Variants in LHFPL3 observed in about 807,000 individuals in gnomAD.
LHFPL3 encodes the protein LHFPL tetraspan subfamily member 3 protein.
LHFPL3 carries 5 observed loss-of-function variants against 19.3 expected under a neutral mutation model. The ratio of observed to expected loss-of-function variants is 0.26; its 90% CI spans 0.14 to 0.54. The LOEUF is 0.54. Among genes scored for constraint, LHFPL3 ranks in the 20% least tolerant of loss-of-function variants. LHFPL3 has a pLI of 0.94. For synonymous variants in LHFPL3, 133 were observed against 126.2 expected, an observed-to-expected ratio of 1.05 and a Z score of -0.36; for missense variants, 249 against 307.4, an observed-to-expected ratio of 0.81 and a Z score of 1.42.
chr7:104,463,001 T>C (rs1293249410), intron 1 of LHFPL3, among the ~76,000 whole-genome samples: 2 of 152,174 alleles, frequency 1.3e-5, no homozygotes, highest in African/African-American at 2.4e-5. Context: ...ATTCATCTCT[T>C]GTAGTTTTTC....
intron 1 of LHFPL3, among the ~76,000 whole-genome samples, chr7:104,592,931 C>G (rs1018970527): frequency 4.6e-5 from 7 of 152,164 alleles, no homozygotes; most frequent in Admixed American, 2.6e-4. Flanking sequence ...TCCCGGTGTG[C>G]CATTTGCTAA....
chr7:104,398,434 A>C (rs1791237962), intron 1 of LHFPL3, among the ~76,000 whole-genome samples: 1 of 152,086 alleles, frequency 6.6e-6, no homozygotes, highest in African/African-American at 2.4e-5. Context: ...CATTTTCTTC[A>C]TGTTGTTTGT....
At chr7:104,407,015 A>G (rs73403884) in intron 1 of LHFPL3, among the ~76,000 whole-genome samples, 5,670 of 152,276 alleles carry the variant, frequency 0.037, 300 homozygotes, top group East Asian at 0.16. Context: ...TTGGGGCACC[A>G]CAGGGGACCT....
intron 1 of LHFPL3, among the ~76,000 whole-genome samples, chr7:104,403,725 T>TTCTC (rs71786184): frequency 0.013 from 1,874 of 143,682 alleles, 29 homozygotes; most frequent in African/African-American, 0.027. Context: ...TTAGTGAACA[T>TTCTC]TCTCTCTCTC....
chr7:104,494,823 T>C (rs1197194586), intron 1 of LHFPL3, among the ~76,000 whole-genome samples: 8 of 152,048 alleles, frequency 5.3e-5, no homozygotes. Context: ...GCCAGAGTGG[T>C]GTTGCAGCAG....
At chr7:104,587,682 G>C (rs951063576) in intron 1 of LHFPL3, among the ~76,000 whole-genome samples, 1 of 151,994 alleles carries the variant, frequency 6.6e-6, no homozygotes, top group Non-Finnish European at 1.5e-5. Flanking sequence ...CTAGATCCCT[G>C]AGGAATCGCC....
chr7:104,366,318 T>G (rs915694639), intron 1 of LHFPL3, among the ~76,000 whole-genome samples: 7 of 152,022 alleles, frequency 4.6e-5, no homozygotes, highest in Admixed American at 3.9e-4. Context: ...GGGAACAGAG[T>G]GCTGGATTGT....
At chr7:104,652,395 TTTTTA>T (rs1278541947) in intron 1 of LHFPL3, among the ~76,000 whole-genome samples, 2 of 152,114 alleles carry the variant, frequency 1.3e-5, no homozygotes, top group Admixed American at 6.5e-5. Flanking sequence ...GGGAATTTCT[TTTTTA>T]TTTTATTTTG....
At chr7:104,785,668 T>C (rs1032894122) in intron 2 of LHFPL3, 1 of 152,258 alleles carries the variant, frequency 6.6e-6, no homozygotes, top group African/African-American at 2.4e-5. Context: ...AGAAATGTCT[T>C]GAGGCTCTGG....
chr7:104,583,513 G>A (rs1462885956), intron 1 of LHFPL3, among the ~76,000 whole-genome samples: 2 of 152,156 alleles, frequency 1.3e-5, no homozygotes, highest in African/African-American at 4.8e-5. Context: ...TACCATCAGA[G>A]TAAACAGGCA....
At chr7:104,503,684 C>G (rs986809176) in intron 1 of LHFPL3, among the ~76,000 whole-genome samples, 1 of 152,140 alleles carries the variant, frequency 6.6e-6, no homozygotes, top group Admixed American at 6.5e-5. Context: ...ATCCTCCCAC[C>G]TCAGCCTCCT....
At chr7:104,497,601 C>G (rs1793509521) in intron 1 of LHFPL3, among the ~76,000 whole-genome samples, 1 of 150,716 alleles carries the variant, frequency 6.6e-6, no homozygotes, top group South Asian at 2.1e-4. Context: ...GGTTACCATC[C>G]TACAGAATCC....
At chr7:104,356,856 TG>T (rs1790286784) in intron 1 of LHFPL3, among the ~76,000 whole-genome samples, 1 of 152,228 alleles carries the variant, frequency 6.6e-6, no homozygotes, top group Non-Finnish European at 1.5e-5. Flanking sequence ...GGACTGGTAC[TG>T]GTCATGGCTT....
At chr7:104,355,735 AAAGT>A (rs1262576606) in intron 1 of LHFPL3, among the ~76,000 whole-genome samples, 2 of 152,192 alleles carry the variant, frequency 1.3e-5, no homozygotes, top group Non-Finnish European at 2.9e-5. Flanking sequence ...CTCATTCTCA[AAAGT>A]AAGTGTCGCA....
At chr7:104,700,521 A>G (rs1036736901) in intron 1 of LHFPL3, among the ~76,000 whole-genome samples, 12 of 152,214 alleles carry the variant, frequency 7.9e-5, no homozygotes, top group Admixed American at 3.3e-4. Context: ...TGCAAGCACA[A>G]TCAAGTCATC....
intron 1 of LHFPL3, among the ~76,000 whole-genome samples, chr7:104,683,666 T>C (rs970988401): frequency 1.3e-5 from 2 of 152,198 alleles, no homozygotes; most frequent in Non-Finnish European, 2.9e-5. Context: ...TTCTACTAAC[T>C]GATAGGCAGT....
At position 104,739,030 on chromosome 7, in the gene LHFPL3, C is replaced by A. The variant is rs545401641; in HGVS notation, c.682+2119C>A. 3 of 152,264 alleles carry A rather than the reference C, an allele frequency of 2.0e-5. No individual in the cohort carries two copies. The East Asian group carries it at 5.8e-4, about 29-fold the overall frequency. 9.4% of individuals were successfully genotyped at this position (152,264 alleles called of 1,614,324 possible). A position where few individuals can be genotyped will look rare whatever the true frequency, so the allele number is the denominator to read the frequency against. On this transcript the variant is annotated intron_variant, in intron 2 of 2. Coordinates refer to ENST00000424859, the MANE Select transcript of LHFPL3 (RefSeq NM_199000.3). ...CCAATAAAGCAGTGGGATCATCAGG[C>A]CACATTGATGAAACATTTCAGTTGC...
intron 2 of LHFPL3, among the ~76,000 whole-genome samples, chr7:104,745,933 T>C (rs561070192): frequency 6.6e-6 from 1 of 152,124 alleles, no homozygotes; most frequent in African/African-American, 2.4e-5. Context: ...CTCATCTATA[T>C]TGGGGATCAA....
At chr7:104,591,933 A>G (rs1422427544) in intron 1 of LHFPL3, among the ~76,000 whole-genome samples, 1 of 152,086 alleles carries the variant, frequency 6.6e-6, no homozygotes, top group African/African-American at 2.4e-5. Flanking sequence ...TGCATTCATC[A>G]TGTCATTCTC....
Sources: allele counts gnomAD v4.1 joint callset (sites outside exome capture counted in the v4.1 genomes callset), GRCh38; gene constraint gnomAD v4.1.1; transcripts MANE v1.5; gene names NCBI Gene and HGNC (gene_info 2026-07-23, HGNC 2026-07-21).